SDK1: variants seen among roughly 807,000 people sequenced by gnomAD.
SDK1 encodes the protein protein sidekick-1.
SDK1 carries 157 observed loss-of-function variants against 245.5 expected under a neutral mutation model. The observed-to-expected ratio is 0.64, with a 90% CI of 0.56 to 0.73. The LOEUF is 0.73. SDK1 is among the 30% of genes least tolerant of loss of function. The probability of loss-of-function intolerance (pLI) is 0.00; values close to 1 mark genes in which losing one functional copy is unlikely to be tolerated. For synonymous variants in SDK1, 1,647 were observed against 1,278.5 expected, an observed-to-expected ratio of 1.29 and a Z score of -6.15; for missense variants, 3,583 against 3,002.3, an observed-to-expected ratio of 1.19 and a Z score of -4.52.
chr7:3,446,868 C>G (rs1478987602), intron 1 of SDK1, among the ~76,000 whole-genome samples: 1 of 152,106 alleles, frequency 6.6e-6, no homozygotes. Context: ...TGTTTATTCT[C>G]TTCACAGTCT....
intron 1 of SDK1, among the ~76,000 whole-genome samples, chr7:3,616,358 GTGGCCCTGCCTGCAAGGCCCTGCACAACC>G (rs1297207754): frequency 6.6e-6 from 1 of 152,224 alleles, no homozygotes; most frequent in Non-Finnish European, 1.5e-5. Flanking sequence ...CAGAACACGT[GTGGCCCTGCCTGCAAGGCCCTGCACAACC>G]TGGCCCTGCT....
chr7:3,691,316 C>G (rs1297118692), intron 4 of SDK1, among the ~76,000 whole-genome samples: 1 of 152,130 alleles, frequency 6.6e-6, no homozygotes. Flanking sequence ...AGGAAGAGGT[C>G]AGGGCTCTTA....
At chr7:3,321,273 CTT>C (rs1344280881) in intron 1 of SDK1, among the ~76,000 whole-genome samples, 3 of 152,176 alleles carry the variant, frequency 2.0e-5, no homozygotes, top group African/African-American at 4.8e-5. Context: ...GGAAAATCCT[CTT>C]TGATTTTGCT....
chr7:3,704,363 A>ATTTT (rs34389322), intron 4 of SDK1, among the ~76,000 whole-genome samples: 1 of 143,398 alleles, frequency 7.0e-6, no homozygotes, highest in South Asian at 2.2e-4. Context: ...GCCAATATCG[A>ATTTT]TTTTTTTTTT....
chr7:3,991,432 C>T (rs17134117), intron 14 of SDK1, among the ~76,000 whole-genome samples: 13,971 of 152,160 alleles, frequency 0.092, 703 homozygotes, highest in South Asian at 0.14. Context: ...CCTTTGCGCA[C>T]CTGCGACGTA....
At chr7:3,484,352 A>G (rs897227993) in intron 1 of SDK1, among the ~76,000 whole-genome samples, 3 of 152,132 alleles carry the variant, frequency 2.0e-5, no homozygotes, top group Non-Finnish European at 2.9e-5. Context: ...ACCTACATAT[A>G]TGGGGGCTGA....
intron 14 of SDK1, 129 bp from the exon 15 acceptor site, chr7:4,010,837 A>T: frequency 4.3e-6 from 4 of 938,218 alleles, no homozygotes; most frequent in Non-Finnish European, 6.3e-6. Context: ...AAATGGGATA[A>T]GCTTTCCTTC....
At chr7:3,697,490 G>C (rs369999226) in intron 4 of SDK1, among the ~76,000 whole-genome samples, 21 of 152,276 alleles carry the variant, frequency 1.4e-4, no homozygotes, top group African/African-American at 5.1e-4. Context: ...CTTGAAAAAG[G>C]TTTCCTGTTT....
At chr7:3,553,179 A>T (rs1779470553) in intron 1 of SDK1, among the ~76,000 whole-genome samples, 2 of 152,048 alleles carry the variant, frequency 1.3e-5, no homozygotes, top group African/African-American at 4.8e-5. Flanking sequence ...ACATTTTCTG[A>T]GTGTCTATTT....
At chr7:3,610,178 C>G (rs1162481625) in intron 1 of SDK1, among the ~76,000 whole-genome samples, 1 of 152,138 alleles carries the variant, frequency 6.6e-6, no homozygotes, top group African/African-American at 2.4e-5. Context: ...AAAATTAAAC[C>G]TTCACCATGT....
Position 4,104,179 on chromosome 7 carries a change from C to T in SDK1, c.3325-6484C>T, listed in dbSNP as rs147698172. On this transcript the variant is annotated intron_variant, in intron 22 of 44. Transcript: ENST00000404826. ...AGCTCAAGCGATCCTCCTGCCTCAG[C>T]CTCCAGAGTAGCTGGGACTACAGGC... Among the ~76,000 whole-genome samples, 550 of 152,336 alleles carry T rather than the reference C, an allele frequency of 3.6e-3. 2 individuals are homozygous for T. The highest frequency in any genetic ancestry group is 0.013 in the African/African-American group (527 of 41,574).
intron 1 of SDK1, among the ~76,000 whole-genome samples, chr7:3,412,894 A>T (rs1779253350): frequency 6.6e-6 from 1 of 152,210 alleles, no homozygotes; most frequent in Non-Finnish European, 1.5e-5. Flanking sequence ...AGATTAAGCC[A>T]CGTGGTACAT....
At chr7:3,354,672 A>G (rs902388902) in intron 1 of SDK1, among the ~76,000 whole-genome samples, 1 of 152,220 alleles carries the variant, frequency 6.6e-6, no homozygotes, top group African/African-American at 2.4e-5. Context: ...TTCATTGGGA[A>G]TTAATATTGA....
At chr7:4,248,462 TACAC>T (rs1463380328) in intron 44 of SDK1, among the ~76,000 whole-genome samples, 1 of 149,334 alleles carries the variant, frequency 6.7e-6, no homozygotes, top group Non-Finnish European at 1.5e-5. Context: ...CACACATGCA[TACAC>T]ACGTGCTTAC....
At chr7:3,734,092 T>G (rs530673711) in intron 4 of SDK1, among the ~76,000 whole-genome samples, 1 of 152,350 alleles carries the variant, frequency 6.6e-6, no homozygotes, top group East Asian at 1.9e-4. Flanking sequence ...CCCCGTGAGA[T>G]GAAGGCTCGT....
rs115025432 is a variant in SDK1 at position 3,315,589 on chromosome 7, T to C, written c.298+13705T>C. Among the ~76,000 whole-genome samples, 1,355 of 152,304 alleles carry C rather than the reference T, an allele frequency of 8.9e-3. 18 individuals are homozygous for C. Among genetic ancestry groups the C allele is most frequent in the African/African-American group, 0.031 (1,286 of 41,560 alleles). ...ATTACTGTTTTATAATATGATGCAG[T>C]GAGTATGATTAAGAAATAGACCAGC... On this transcript the variant is annotated intron_variant, in intron 1 of 44. Transcript: ENST00000404826.
chr7:3,303,411 TGGTG>T (rs1413858034), intron 1 of SDK1, among the ~76,000 whole-genome samples: 2 of 152,232 alleles, frequency 1.3e-5, no homozygotes, highest in African/African-American at 2.4e-5. Flanking sequence ...CAGACTGAAA[TGGTG>T]GGGAAAAAAT....
chr7:3,328,879 C>G (rs1206153862), intron 1 of SDK1, among the ~76,000 whole-genome samples: 1 of 152,024 alleles, frequency 6.6e-6, no homozygotes, highest in Non-Finnish European at 1.5e-5. Flanking sequence ...TAGAAGTGAT[C>G]ATGCAGTGAA....
At chr7:4,221,107 G>C in intron 39 of SDK1, 132 bp from the exon 40 acceptor site, 2 of 1,066,930 alleles carry the variant, frequency 1.9e-6, no homozygotes, top group South Asian at 1.7e-5. Context: ...CCCTGGGTGC[G>C]TGAGGTTAAG....
Sources: gnomAD v4.1 joint callset for allele counts (sites outside exome capture counted in the v4.1 genomes callset) on GRCh38, gnomAD v4.1.1 for gene constraint, MANE v1.5 for transcripts, NCBI Gene and HGNC (gene_info 2026-07-23, HGNC 2026-07-21) for gene names.